Variants in ST6GALNAC3 observed in about 807,000 individuals in gnomAD.
The protein encoded by ST6GALNAC3 is alpha-N-acetylgalactosaminide alpha-2,6-sialyltransferase 3.
A neutral mutation model predicts 32.7 loss-of-function variants in ST6GALNAC3; 25 were observed. That is an observed-to-expected ratio of 0.76 (90% confidence interval 0.56 to 1.07). The LOEUF is 1.07. Ranked by LOEUF, ST6GALNAC3 falls within the 50% of genes least tolerant of loss-of-function variation. The pLI, the probability that ST6GALNAC3 is intolerant of heterozygous loss-of-function variation, is 0.00. For missense variants in ST6GALNAC3, 355 were observed against 382.4 expected, an observed-to-expected ratio of 0.93 and a Z score of 0.60; for synonymous variants, 129 against 133.1, an observed-to-expected ratio of 0.97 and a Z score of 0.21.
At chr1:76,334,477 A>G (rs1212470482) in intron 2 of ST6GALNAC3, among the ~76,000 whole-genome samples, 1 of 152,246 alleles carries the variant, frequency 6.6e-6, no homozygotes, top group Non-Finnish European at 1.5e-5. Flanking sequence ...TCTAGGAGGA[A>G]GTAGAAGATA....
chr1:76,596,205 C>T (rs1303265570), intron 3 of ST6GALNAC3, among the ~76,000 whole-genome samples: 1 of 152,138 alleles, frequency 6.6e-6, no homozygotes, highest in Non-Finnish European at 1.5e-5. Flanking sequence ...TTTGTTTCCC[C>T]TTTGCACTCA....
intron 2 of ST6GALNAC3, among the ~76,000 whole-genome samples, chr1:76,335,457 A>ACACACT (rs1553180885): frequency 4.5e-4 from 66 of 145,714 alleles, no homozygotes; most frequent in African/African-American, 1.5e-4. Context: ...ACACACACAC[A>ACACACT]CTCACACTCA....
intron 1 of ST6GALNAC3, among the ~76,000 whole-genome samples, chr1:76,085,969 T>C (rs759448788): frequency 6.6e-6 from 1 of 152,248 alleles, no homozygotes; most frequent in Non-Finnish European, 1.5e-5. Flanking sequence ...TTTCTTCTGA[T>C]GCTATGAGGC....
intron 3 of ST6GALNAC3, among the ~76,000 whole-genome samples, chr1:76,571,367 G>A (rs1432270063): frequency 6.6e-6 from 1 of 151,980 alleles, no homozygotes; most frequent in Non-Finnish European, 1.5e-5. Flanking sequence ...AGCTACCTCT[G>A]TATCCACCTA....
At chr1:76,595,032 G>A (rs1176522255) in intron 3 of ST6GALNAC3, among the ~76,000 whole-genome samples, 3 of 152,084 alleles carry the variant, frequency 2.0e-5, no homozygotes, top group East Asian at 3.9e-4. Context: ...TCAAAAAAAG[G>A]AGAGCTGTTT....
At chr1:76,106,916 C>A (rs1200664895) in intron 1 of ST6GALNAC3, among the ~76,000 whole-genome samples, 1 of 152,182 alleles carries the variant, frequency 6.6e-6, no homozygotes, top group Admixed American at 6.5e-5. Context: ...GGATACATTT[C>A]CCGTTGCTCA....
At chr1:76,435,888 G>C (rs1282866876) in intron 3 of ST6GALNAC3, among the ~76,000 whole-genome samples, 2 of 151,152 alleles carry the variant, frequency 1.3e-5, no homozygotes, top group Non-Finnish European at 2.9e-5. Flanking sequence ...TATTTCCATA[G>C]GTTATTGGGG....
intron 3 of ST6GALNAC3, among the ~76,000 whole-genome samples, chr1:76,489,922 G>T (rs1660383825): frequency 6.6e-6 from 1 of 152,168 alleles, no homozygotes; most frequent in Admixed American, 6.5e-5. Flanking sequence ...GGCCATTTCT[G>T]GTGATTCTTC....
chr1:76,300,707 T>A (rs555362000), intron 1 of ST6GALNAC3, among the ~76,000 whole-genome samples: 1 of 152,084 alleles, frequency 6.6e-6, no homozygotes, highest in Non-Finnish European at 1.5e-5. Flanking sequence ...TGATTAGCAA[T>A]GTCTGCCTGG....
In ST6GALNAC3 at chr1:76,305,941, A is replaced by C. The variant is rs766785639; in HGVS notation, c.19-7864A>C. 3 of 517,654 alleles carry C rather than the reference A, an allele frequency of 5.8e-6. No homozygotes were observed. The East Asian group carries it at 1.6e-4, about 28-fold the overall frequency. 32.1% of individuals were successfully genotyped at this position (517,654 alleles called of 1,614,324 possible). On this transcript the variant is annotated intron_variant, in intron 1 of 4. Transcript: ENST00000328299. ...AGCCTGTGTTCTAGTGTGTGAATTA[A>C]CTAAGTTGTTAATTGTTATTCATAC...
intron 2 of ST6GALNAC3, among the ~76,000 whole-genome samples, chr1:76,323,389 T>G (rs1285345809): frequency 6.6e-6 from 1 of 152,214 alleles, no homozygotes; most frequent in East Asian, 1.9e-4. Flanking sequence ...GTACATACTA[T>G]TTTACTGATT....
At chr1:76,594,961 C>T (rs1044473005) in intron 3 of ST6GALNAC3, among the ~76,000 whole-genome samples, 1 of 152,106 alleles carries the variant, frequency 6.6e-6, no homozygotes, top group East Asian at 1.9e-4. Context: ...TCATTTGTCA[C>T]ATTGATACAT....
At chr1:76,353,842 C>A (rs1350680000) in intron 2 of ST6GALNAC3, 1 of 153,192 alleles carries the variant, frequency 6.5e-6, no homozygotes, top group Admixed American at 6.5e-5. Flanking sequence ...GACAGTGGCA[C>A]TTAAACATGG....
At chr1:76,388,636 T>G (rs10873883) in intron 2 of ST6GALNAC3, among the ~76,000 whole-genome samples, 30,809 of 152,098 alleles carry the variant, frequency 0.2, 3,769 homozygotes, top group East Asian at 0.61. Flanking sequence ...GTCCTGCCTT[T>G]AGCCACCTCC....
intron 1 of ST6GALNAC3, among the ~76,000 whole-genome samples, chr1:76,210,562 G>A (rs1655097093): frequency 6.6e-6 from 1 of 152,078 alleles, no homozygotes; most frequent in South Asian, 2.1e-4. Context: ...AATACTGCAG[G>A]CTGGGTGGCA....
At chr1:76,397,564 G>A (rs1653071618) in intron 2 of ST6GALNAC3, among the ~76,000 whole-genome samples, 1 of 151,692 alleles carries the variant, frequency 6.6e-6, no homozygotes, top group Admixed American at 6.6e-5. Flanking sequence ...AGCAGAGATG[G>A]GGTTTCACCA....
chr1:76,545,905 C>T (rs1224161887), intron 3 of ST6GALNAC3, among the ~76,000 whole-genome samples: 4 of 152,154 alleles, frequency 2.6e-5, no homozygotes, highest in South Asian at 2.1e-4. Context: ...GTGATCCACC[C>T]GCCTCAGCCT....
chr1:76,362,188 A>T (rs1469489235), intron 2 of ST6GALNAC3, among the ~76,000 whole-genome samples: 2 of 152,104 alleles, frequency 1.3e-5, no homozygotes, highest in African/African-American at 4.8e-5. Context: ...CAGGAAGAAG[A>T]GAGGCGGAAG....
intron 3 of ST6GALNAC3, among the ~76,000 whole-genome samples, chr1:76,605,024 C>CT (rs574783071): frequency 2.6e-4 from 40 of 152,270 alleles, no homozygotes; most frequent in Middle Eastern, 3.4e-3. Flanking sequence ...ACATAAGCAT[C>CT]TAATCATGTT....
Sources: allele counts gnomAD v4.1 joint callset (sites outside exome capture counted in the v4.1 genomes callset), GRCh38; gene constraint gnomAD v4.1.1; transcripts MANE v1.5; gene names NCBI Gene and HGNC (gene_info 2026-07-23, HGNC 2026-07-21).